RASSF2: variants seen among roughly 807,000 people sequenced by gnomAD.
The protein encoded by RASSF2 is ras association domain-containing protein 2.
Under a neutral mutation model 46.3 loss-of-function variants are expected in RASSF2, and 34 were observed. The observed-to-expected ratio is 0.73, with a 90% CI of 0.56 to 0.98. The LOEUF (loss-of-function observed/expected upper bound fraction) is 0.98. Among genes scored for constraint, RASSF2 ranks in the 50% least tolerant of loss-of-function variants. The probability of loss-of-function intolerance (pLI) is 0.00; values close to 1 mark genes in which losing one functional copy is unlikely to be tolerated. For missense variants in RASSF2, 364 were observed against 431.2 expected, an observed-to-expected ratio of 0.84 and a Z score of 1.38; for synonymous variants, 158 against 162.5, an observed-to-expected ratio of 0.97 and a Z score of 0.21.
chr20:4,784,620 A>G (rs8115799), intron 11 of RASSF2, among the ~76,000 whole-genome samples: 5,314 of 151,072 alleles, frequency 0.035, 118 homozygotes, highest in Middle Eastern at 0.09. Flanking sequence ...AAAAAAGGTA[A>G]AAAAAAACAA....
intron 9 of RASSF2, 31 bp downstream of exon 9, chr20:4,788,185 GT>G (rs1925535472): frequency 6.5e-7 from 1 of 1,534,496 alleles, no homozygotes; most frequent in African/African-American, 1.4e-5. Flanking sequence ...TTAATTAGAA[GT>G]TTTAAAGTAC....
chr20:4,798,314 G>A (rs75895849), intron 3 of RASSF2, among the ~76,000 whole-genome samples: 2,493 of 152,222 alleles, frequency 0.016, 34 homozygotes, highest in Non-Finnish European at 0.026. Flanking sequence ...CCAGAACAAT[G>A]CTTAAAGTAA....
chr20:4,797,422 C>T (rs1198412000), intron 4 of RASSF2, among the ~76,000 whole-genome samples: 1 of 152,130 alleles, frequency 6.6e-6, no homozygotes, highest in East Asian at 1.9e-4. Flanking sequence ...TATAAAGTAC[C>T]CTACCAGACT....
In RASSF2 at chr20:4,781,254, G is replaced by A. The variant is rs939938493; in HGVS notation, c.*3019C>T. On this transcript the variant is annotated 3_prime_UTR_variant, in exon 12 of 12. Transcript: ENST00000379400. ...TTTGGGGGGGGCATTATATGCTACCGATATTAGGATAAAATGTGTTTACCT... is the reference window on the plus strand; with the variant it reads ...TTTGGGGGGGGCATTATATGCTACCAATATTAGGATAAAATGTGTTTACCT... 6.6e-6 allele frequency: 1 copy of A among 152,026 alleles called. No individual in the cohort carries two copies. Among genetic ancestry groups the A allele is most frequent in the Non-Finnish European group, 1.5e-5 (1 of 68,020 alleles). 9.4% of individuals were successfully genotyped at this position (152,026 alleles called of 1,614,324 possible).
intron 4 of RASSF2, among the ~76,000 whole-genome samples, chr20:4,796,932 A>C (rs1601102007): frequency 6.6e-6 from 1 of 152,288 alleles, no homozygotes; most frequent in South Asian, 2.1e-4. Context: ...TTCAAGTGTT[A>C]GATCTGGGTC....
intron 2 of RASSF2, among the ~76,000 whole-genome samples, chr20:4,820,285 G>T (rs1272806815): frequency 6.6e-6 from 1 of 152,170 alleles, no homozygotes; most frequent in African/African-American, 2.4e-5. Context: ...CAGGAGGATG[G>T]CTTGAGGCCA....
At chr20:4,811,175 C>T (rs1245227873) in intron 2 of RASSF2, among the ~76,000 whole-genome samples, 1 of 79,950 alleles carries the variant, frequency 1.3e-5, no homozygotes, top group Non-Finnish European at 2.8e-5. Context: ...TGTGAGACCC[C>T]ATCTCTACAA....
intron 3 of RASSF2, among the ~76,000 whole-genome samples, chr20:4,800,259 G>C (rs1276285933): frequency 6.6e-6 from 1 of 152,196 alleles, no homozygotes; most frequent in Non-Finnish European, 1.5e-5. Context: ...CTTCTATTCA[G>C]AGGGCATTAG....
rs756864609 is a variant in RASSF2 at position 4,782,966 on chromosome 20, G to T, written c.*1307C>A. 6.6e-6 allele frequency: 1 copy of T among 152,306 alleles called. No individual in the cohort carries two copies. Among genetic ancestry groups the T allele is most frequent in the Non-Finnish European group, 1.5e-5 (1 of 68,116 alleles). 9.4% of individuals were successfully genotyped at this position (152,306 alleles called of 1,614,324 possible). A position where few individuals can be genotyped will look rare whatever the true frequency, so the allele number is the denominator to read the frequency against. ...GTCAAGCTTCCTGATAGGAGTCCCA[G>T]GGCACAGACTGTTCTTGCCCTTTTC... On this transcript the variant is annotated 3_prime_UTR_variant, in exon 12 of 12. Coordinates refer to ENST00000379400, the MANE Select transcript of RASSF2 (RefSeq NM_014737.3).
chr20:4,801,614 C>A (rs1245263664), intron 2 of RASSF2, among the ~76,000 whole-genome samples: 1 of 151,968 alleles, frequency 6.6e-6, no homozygotes, highest in African/African-American at 2.4e-5. Context: ...TGTTTAAAAT[C>A]TATGTAAGTA....
chr20:4,809,636 G>C (rs1370011053), intron 2 of RASSF2, among the ~76,000 whole-genome samples: 1 of 152,338 alleles, frequency 6.6e-6, no homozygotes, highest in East Asian at 1.9e-4. Context: ...GGGATCAGCA[G>C]TCTGTCCAGG....
At chr20:4,787,357 C>T (rs747942996) in intron 10 of RASSF2, among the ~76,000 whole-genome samples, 2 of 152,220 alleles carry the variant, frequency 1.3e-5, no homozygotes, top group Non-Finnish European at 2.9e-5. Context: ...GTGAGTCACA[C>T]AGTGCAGACT....
Position 4,783,490 on chromosome 20 carries a change from C to G in RASSF2, c.*783G>C, listed in dbSNP as rs1439635523. ...AAACACACAGGATCTTCTCTGTCTC[C>G]TAAAGGTAGCCATGGAGGCAGAGAT... On this transcript the variant is annotated 3_prime_UTR_variant, in exon 12 of 12. Transcript: ENST00000379400. 6.6e-6 allele frequency: 1 copy of G among 152,660 alleles called. No individual in the cohort carries two copies. Among genetic ancestry groups the G allele is most frequent in the South Asian group, 2.1e-4 (1 of 4,836 alleles). 9.5% of individuals were successfully genotyped at this position (152,660 alleles called of 1,614,324 possible).
At chr20:4,792,687 C>A (rs1323828627) in intron 5 of RASSF2, 60 bp from the exon 6 acceptor site, 2 of 1,566,378 alleles carry the variant, frequency 1.3e-6, no homozygotes, top group Non-Finnish European at 1.7e-6. Context: ...TGGAGAGACG[C>A]CCCCGCACCC....
chr20:4,802,910 ATATATT>A (rs1568574082), intron 2 of RASSF2, among the ~76,000 whole-genome samples: 1 of 64,682 alleles, frequency 1.5e-5, no homozygotes, highest in Non-Finnish European at 3.2e-5. Flanking sequence ...ATATATATAT[ATATATT>A]TTTTTTTTTT....
intron 2 of RASSF2, 67 bp from the exon 3 acceptor site, chr20:4,801,129 G>A: frequency 7.8e-7 from 1 of 1,284,152 alleles, no homozygotes; most frequent in Non-Finnish European, 1.1e-6. Context: ...GCAGAACTTG[G>A]GGTGGGGAGG....
chr20:4,792,938 C>A (rs949167602), intron 5 of RASSF2: 42 of 387,178 alleles, frequency 1.1e-4, no homozygotes, highest in African/African-American at 4.1e-4. Context: ...TACCAAGGAA[C>A]AAAACCCACG....
intron 2 of RASSF2, among the ~76,000 whole-genome samples, chr20:4,808,108 C>G (rs1232081674): frequency 6.6e-6 from 1 of 152,228 alleles, no homozygotes; most frequent in African/African-American, 2.4e-5. Flanking sequence ...AATGTGGATT[C>G]AATTGGATTC....
chr20:4,797,117 G>C (rs1242671640), intron 4 of RASSF2, among the ~76,000 whole-genome samples: 1 of 152,196 alleles, frequency 6.6e-6, no homozygotes, highest in Non-Finnish European at 1.5e-5. Context: ...AAGGCTTTAT[G>C]TAAACATAGG....
Sources: gnomAD v4.1 joint callset for allele counts (sites outside exome capture counted in the v4.1 genomes callset) on GRCh38, gnomAD v4.1.1 for gene constraint, MANE v1.5 for transcripts, NCBI Gene and HGNC (gene_info 2026-07-23, HGNC 2026-07-21) for gene names.